LIPH: variants seen among roughly 807,000 people sequenced by gnomAD.
LIPH encodes lipase H, also known as lipase member H.
In LIPH, 32 loss-of-function variants were observed where a neutral mutation model predicts 47.6. That is an observed-to-expected ratio of 0.67 (90% CI 0.51 to 0.90). The LOEUF (loss-of-function observed/expected upper bound fraction) is 0.90. Ranked by LOEUF, LIPH falls within the 40% of genes least tolerant of loss-of-function variation. The probability of loss-of-function intolerance (pLI) is 0.00; values close to 1 mark genes in which losing one functional copy is unlikely to be tolerated. For synonymous variants in LIPH, 190 were observed against 195.6 expected, an observed-to-expected ratio of 0.97 and a Z score of 0.24; for missense variants, 497 against 541.4, an observed-to-expected ratio of 0.92 and a Z score of 0.81.
chr3:185,521,161 C>T (rs1412531757), intron 5 of LIPH, among the ~76,000 whole-genome samples: 1 of 152,180 alleles, frequency 6.6e-6, no homozygotes, highest in Non-Finnish European at 1.5e-5. Flanking sequence ...AGCCACCATA[C>T]CCGACTGAGT....
chr3:185,535,659 G>A (rs1213218290), intron 1 of LIPH, among the ~76,000 whole-genome samples: 1 of 152,126 alleles, frequency 6.6e-6, no homozygotes, highest in East Asian at 1.9e-4. Flanking sequence ...CCGGAGTGCA[G>A]TGGTGCAATC....
intron 1 of LIPH, among the ~76,000 whole-genome samples, chr3:185,536,592 T>G (rs923401682): frequency 9.2e-5 from 14 of 152,152 alleles, no homozygotes; most frequent in Non-Finnish European, 1.8e-4. Flanking sequence ...ATGCATTTAT[T>G]GAAACTTTTC....
intron 5 of LIPH, among the ~76,000 whole-genome samples, chr3:185,519,975 G>A (rs997263102): frequency 6.6e-6 from 1 of 151,092 alleles, no homozygotes; most frequent in African/African-American, 2.4e-5. Flanking sequence ...CAGAGTTCAG[G>A]TCCACCCTCA....
intron 1 of LIPH, among the ~76,000 whole-genome samples, chr3:185,538,875 ATATATATACATATATACG>A (rs1377375066): frequency 3.5e-5 from 5 of 141,144 alleles, no homozygotes; most frequent in Admixed American, 7.4e-5. Context: ...ATATATACAC[ATATATATACATATATACG>A]TATATACACA....
intron 2 of LIPH, 56 bp downstream of exon 2, chr3:185,534,709 T>C: frequency 6.3e-7 from 1 of 1,590,112 alleles, no homozygotes; most frequent in East Asian, 2.2e-5. Flanking sequence ...CTTTAAGCCC[T>C]CAGATAATGG....
intron 5 of LIPH, among the ~76,000 whole-genome samples, chr3:185,521,230 T>C (rs192503605): frequency 1.9e-3 from 283 of 152,340 alleles, no homozygotes; most frequent in African/African-American, 5.6e-3. Context: ...GTATGGACTT[T>C]ACCTATTTAG....
chr3:185,514,850 C>T (rs1719677587), intron 7 of LIPH, among the ~76,000 whole-genome samples: 1 of 152,166 alleles, frequency 6.6e-6, no homozygotes, highest in Non-Finnish European at 1.5e-5. Flanking sequence ...ACTCAACCAA[C>T]TAAGGGGCCA....
chr3:185,535,216 GTTC>G lies in LIPH; in HGVS notation c.50-87_50-85del, dbSNP rs535866740. The G allele has an allele frequency of 1.2e-3, 1,792 of 1,507,480 alleles. 17 individuals are homozygous for G. In the South Asian group the frequency reaches 0.015, roughly 12 times the overall value. The allele number at this position is 1,507,480 out of a possible 1,614,324, so 93.4% of individuals were successfully genotyped here. A position where few individuals can be genotyped will look rare whatever the true frequency, so the allele number is the denominator to read the frequency against. The stretch of plus-strand genomic sequence containing the variant: ...AGAGTGCTGTTCTATATTTGTAGGA[GTTC>G]TTCTTATGTTCCTGATAGGACCTGG... On this transcript the variant is annotated intron_variant, in intron 1 of 9. Coordinates refer to ENST00000296252, the MANE Select transcript of LIPH (RefSeq NM_139248.3).
At chr3:185,540,122 C>G (rs149246257) in intron 1 of LIPH, among the ~76,000 whole-genome samples, 1 of 152,140 alleles carries the variant, frequency 6.6e-6, no homozygotes, top group East Asian at 1.9e-4. Flanking sequence ...TGGTGTGAAG[C>G]CTCCCTCTGC....
intron 6 of LIPH, among the ~76,000 whole-genome samples, chr3:185,517,552 T>TG (rs1350134235): frequency 5.3e-5 from 8 of 152,226 alleles, no homozygotes; most frequent in African/African-American, 1.9e-4. Context: ...TATGCTTTCT[T>TG]GAAGAACTAC....
rs753031928 is a variant in LIPH, at chr3:185,534,735, G to A, written c.417+30C>T. On this transcript the variant is annotated intron_variant, in intron 2 of 9. Coordinates refer to ENST00000296252, the MANE Select transcript of LIPH (RefSeq NM_139248.3). ...CAGATAATGGGCCAGTTTCAACTTAGCTCTGAATCATCTAAGAGAATTCTC... is the reference window on the plus strand; with the variant it reads ...CAGATAATGGGCCAGTTTCAACTTAACTCTGAATCATCTAAGAGAATTCTC... The A allele has an allele frequency of 1.9e-6, 3 of 1,611,008 alleles. No individual in the cohort carries two copies. In the African/African-American group the frequency reaches 4.0e-5, roughly 22 times the overall value.
Position 185,508,796 on chromosome 3 carries a change from C to T in LIPH, c.1350G>A (p.Gln450=), listed in dbSNP as rs745720036. The T allele has an allele frequency of 1.7e-5, 28 of 1,610,070 alleles. No homozygotes were observed. Among genetic ancestry groups the T allele is most frequent in the Admixed American group, 3.3e-5 (2 of 59,986 alleles). The change falls in exon 10 of 10, where the codon CAG becomes CAA. Residue 450 remains glutamine (Q), a synonymous_variant. Coordinates refer to ENST00000296252, the MANE Select transcript of LIPH (RefSeq NM_139248.3). ...VFQPILCPEL[Q]L ...CCATGTGTCCTGGCAACAGTTACAA[C>T]TGCAACTCTGGGCAAAGAATAGGTT...
intron 8 of LIPH, among the ~76,000 whole-genome samples, chr3:185,513,929 A>G (rs1387569001): frequency 2.6e-5 from 4 of 152,124 alleles, no homozygotes; most frequent in African/African-American, 7.2e-5. Flanking sequence ...AGTCCCAGCT[A>G]CTCAGGAGGC....
chr3:185,530,456 C>T (rs559412379), intron 3 of LIPH, among the ~76,000 whole-genome samples: 2 of 151,512 alleles, frequency 1.3e-5, no homozygotes, highest in East Asian at 1.9e-4. Flanking sequence ...CCAGCCTGGG[C>T]GACAGAGTGA....
At chr3:185,518,508 C>G (rs1719802584) in intron 6 of LIPH, among the ~76,000 whole-genome samples, 1 of 150,394 alleles carries the variant, frequency 6.6e-6, no homozygotes, top group Admixed American at 6.6e-5. Flanking sequence ...TCTCAAACTC[C>G]TGACCTTGTG....
chr3:185,517,385 C>G (rs770869888), intron 6 of LIPH, among the ~76,000 whole-genome samples: 12 of 152,204 alleles, frequency 7.9e-5, no homozygotes, highest in Non-Finnish European at 1.5e-4. Flanking sequence ...TGTTTTCCCC[C>G]TTTACTGGTT....
At chr3:185,540,488 C>G (rs905893200) in intron 1 of LIPH, among the ~76,000 whole-genome samples, 1 of 152,048 alleles carries the variant, frequency 6.6e-6, no homozygotes, top group African/African-American at 2.4e-5. Context: ...GAGGCCAAGG[C>G]GGGTGGATCA....
intron 1 of LIPH, among the ~76,000 whole-genome samples, chr3:185,541,314 T>G (rs1332924938): frequency 6.6e-6 from 1 of 152,144 alleles, no homozygotes; most frequent in East Asian, 1.9e-4. Flanking sequence ...CTTCAGAATA[T>G]ATACATACAC....
chr3:185,551,385 T>G (rs1577696266), intron 1 of LIPH, among the ~76,000 whole-genome samples: 1 of 152,338 alleles, frequency 6.6e-6, no homozygotes, highest in Admixed American at 6.5e-5. Flanking sequence ...TTAACATAGT[T>G]GTAATTATAG....
Sources: gnomAD v4.1 joint callset for allele counts (sites outside exome capture counted in the v4.1 genomes callset) on GRCh38, gnomAD v4.1.1 for gene constraint, MANE v1.5 for transcripts, NCBI Gene and HGNC (gene_info 2026-07-23, HGNC 2026-07-21) for gene names.